NRP1: variants seen among roughly 807,000 people sequenced by gnomAD.
NRP1 encodes neuropilin 1, also known as neuropilin-1.
Under a neutral mutation model 106.7 loss-of-function variants are expected in NRP1, and 35 were observed. That is an observed-to-expected ratio of 0.33 (90% CI 0.25 to 0.43). The LOEUF (loss-of-function observed/expected upper bound fraction) is 0.43. NRP1 is among the 20% of genes least tolerant of loss of function. NRP1 has a pLI of 1.00. For missense variants in NRP1, 1,024 were observed against 1,170.4 expected (o/e 0.87, Z 1.83); for synonymous variants, 437 against 417.9 (o/e 1.05, Z -0.56).
At chr10:33,286,798 C>T (rs186652652) in intron 2 of NRP1, among the ~76,000 whole-genome samples, 65 of 152,122 alleles carry the variant, frequency 4.3e-4, no homozygotes, top group African/African-American at 1.4e-3. Context: ...ATTTTCTCTC[C>T]GCCCCCCCAC....
intron 2 of NRP1, among the ~76,000 whole-genome samples, chr10:33,285,218 A>G (rs1844430302): frequency 6.6e-6 from 1 of 152,216 alleles, no homozygotes; most frequent in African/African-American, 2.4e-5. Context: ...CCCTGAGAGC[A>G]GGAATCAAGA....
At chr10:33,314,338 C>G (rs915495773) in intron 2 of NRP1, among the ~76,000 whole-genome samples, 3 of 152,178 alleles carry the variant, frequency 2.0e-5, no homozygotes, top group African/African-American at 7.2e-5. Context: ...CTTGGTCTCC[C>G]AAAGTATTGG....
intron 2 of NRP1, among the ~76,000 whole-genome samples, chr10:33,317,321 T>C (rs1284622415): frequency 7.2e-5 from 11 of 152,316 alleles, no homozygotes; most frequent in Admixed American, 6.5e-4. Flanking sequence ...TGCTCTTTGG[T>C]GTTGCCACTA....
intron 6 of NRP1, among the ~76,000 whole-genome samples, chr10:33,250,667 C>T (rs555739918): frequency 1.3e-5 from 2 of 152,352 alleles, no homozygotes; most frequent in African/African-American, 4.8e-5. Context: ...TGGTCACTAA[C>T]TGTGACCTTG....
In NRP1 at chr10:33,178,915, T is replaced by C. The variant is rs186106864; in HGVS notation, c.*1161A>G. 3 of 152,736 alleles carry C rather than the reference T, an allele frequency of 2.0e-5. No individual in the cohort carries two copies. Among genetic ancestry groups the C allele is most frequent in the African/African-American group, 7.2e-5 (3 of 41,560 alleles). The allele number at this position is 152,736 out of a possible 1,614,324, so 9.5% of individuals were successfully genotyped here. The stretch of plus-strand genomic sequence containing the variant: ...ATTTATTTTTAAACATAAAGTCTAG[T>C]AAAATCGTTTGCCATTCCCAGCAGG... On this transcript the variant is annotated 3_prime_UTR_variant, in exon 17 of 17. Coordinates refer to ENST00000374867, the MANE Select transcript of NRP1 (RefSeq NM_003873.7).
At chr10:33,236,973 T>C (rs573054933) in intron 6 of NRP1, among the ~76,000 whole-genome samples, 26 of 152,270 alleles carry the variant, frequency 1.7e-4, no homozygotes, top group Admixed American at 1.1e-3. Flanking sequence ...AGACCTTTTT[T>C]TTCTTCTTTT....
chr10:33,242,095 C>T (rs756708107), intron 6 of NRP1, among the ~76,000 whole-genome samples: 6 of 152,156 alleles, frequency 3.9e-5, no homozygotes, highest in Non-Finnish European at 7.3e-5. Context: ...AGCTGAATTT[C>T]AGCATATAGA....
intron 2 of NRP1, among the ~76,000 whole-genome samples, chr10:33,289,633 C>T (rs77240673): frequency 6.6e-6 from 1 of 152,180 alleles, no homozygotes; most frequent in Non-Finnish European, 1.5e-5. Context: ...AAGTCTCAAT[C>T]CAACTGACAT....
intron 6 of NRP1, among the ~76,000 whole-genome samples, chr10:33,227,047 T>A (rs760980822): frequency 6.6e-6 from 1 of 152,216 alleles, no homozygotes; most frequent in Non-Finnish European, 1.5e-5. Context: ...AGTTTGACTC[T>A]TTTTGTCCAC....
At chr10:33,192,240 G>C (rs1489825843) in intron 13 of NRP1, 41 bp downstream of exon 13, 2 of 1,585,834 alleles carry the variant, frequency 1.3e-6, no homozygotes, top group African/African-American at 2.7e-5. Context: ...GAATCAAAGA[G>C]AATCTGCAAA....
intron 10 of NRP1, among the ~76,000 whole-genome samples, chr10:33,204,912 A>G (rs1837642735): frequency 6.6e-6 from 1 of 151,848 alleles, no homozygotes; most frequent in Non-Finnish European, 1.5e-5. Context: ...TTGTATTTTT[A>G]GTAGAGACAG....
intron 2 of NRP1, among the ~76,000 whole-genome samples, chr10:33,324,458 A>C (rs1017984185): frequency 6.6e-6 from 1 of 152,264 alleles, no homozygotes; most frequent in Non-Finnish European, 1.5e-5. Flanking sequence ...TAAAATCTGC[A>C]TAATAAAGCA....
At chr10:33,290,706 A>G (rs945887318) in intron 2 of NRP1, among the ~76,000 whole-genome samples, 1 of 152,284 alleles carries the variant, frequency 6.6e-6, no homozygotes, top group South Asian at 2.1e-4. Context: ...GCACGCTTCA[A>G]TTACCTCCGA....
intron 2 of NRP1, among the ~76,000 whole-genome samples, chr10:33,290,466 C>G (rs1263670818): frequency 6.6e-6 from 1 of 151,074 alleles, no homozygotes; most frequent in Admixed American, 6.6e-5. Context: ...AGATGATTAA[C>G]TCTGGTCATT....
intron 2 of NRP1, among the ~76,000 whole-genome samples, chr10:33,327,118 T>C (rs1289144084): frequency 6.6e-6 from 1 of 151,370 alleles, no homozygotes; most frequent in Non-Finnish European, 1.5e-5. Flanking sequence ...AGGGTGGAAG[T>C]TGACTATACA....
chr10:33,240,255 A>G (rs1840911888), intron 6 of NRP1, among the ~76,000 whole-genome samples: 1 of 152,226 alleles, frequency 6.6e-6, no homozygotes, highest in African/African-American at 2.4e-5. Context: ...TTTCATGCCT[A>G]AAAGACTAGG....
intron 13 of NRP1, 100 bp downstream of exon 13, chr10:33,192,181 C>T: frequency 7.7e-7 from 1 of 1,296,336 alleles, no homozygotes. Context: ...TAATTCCTAC[C>T]CGCCCTAAAT....
intron 12 of NRP1, among the ~76,000 whole-genome samples, chr10:33,193,963 A>G (rs1233071816): frequency 6.6e-6 from 1 of 152,228 alleles, no homozygotes; most frequent in African/African-American, 2.4e-5. Context: ...TTGGGAAAGT[A>G]AACTAGTAAG....
At chr10:33,321,545 G>C (rs1197747364) in intron 2 of NRP1, among the ~76,000 whole-genome samples, 1 of 152,184 alleles carries the variant, frequency 6.6e-6, no homozygotes, top group East Asian at 1.9e-4. Context: ...TTTAAGTCAA[G>C]AGTGTGTTCC....
Sources: allele counts gnomAD v4.1 joint callset (sites outside exome capture counted in the v4.1 genomes callset), GRCh38; gene constraint gnomAD v4.1.1; transcripts MANE v1.5; gene names NCBI Gene and HGNC (gene_info 2026-07-23, HGNC 2026-07-21).